Variants in PLXNA4 observed in about 807,000 individuals in gnomAD.
PLXNA4 encodes plexin-A4.
Under a neutral mutation model 191.8 loss-of-function variants are expected in PLXNA4, and 44 were observed. The ratio of observed to expected loss-of-function variants is 0.23; its 90% confidence interval spans 0.18 to 0.29. The LOEUF is 0.29. PLXNA4 is among the 10% of genes least tolerant of loss of function. The probability of loss-of-function intolerance (pLI) is 1.00; values close to 1 mark genes in which losing one functional copy is unlikely to be tolerated. For synonymous variants in PLXNA4, 1,082 were observed against 1,009.5 expected (o/e 1.07, Z -1.36); for missense variants, 1,800 against 2,488.8 (o/e 0.72, Z 5.89).
intron 4 of PLXNA4, among the ~76,000 whole-genome samples, chr7:132,261,076 A>G (rs1799624707): frequency 6.6e-6 from 1 of 152,234 alleles, no homozygotes; most frequent in East Asian, 1.9e-4. Context: ...AACAGGCAGT[A>G]TACTACTGTT....
intron 3 of PLXNA4, among the ~76,000 whole-genome samples, chr7:132,445,241 G>C (rs887544865): frequency 6.6e-6 from 1 of 150,892 alleles, no homozygotes; most frequent in African/African-American, 2.4e-5. Context: ...CCATGTGTAG[G>C]TTAATATTCC....
At chr7:132,189,002 G>A (rs5027071) in intron 14 of PLXNA4, among the ~76,000 whole-genome samples, 4,827 of 43,788 alleles carry the variant, frequency 0.11, 412 homozygotes, top group African/African-American at 0.22. Flanking sequence ...AGGAGAGAGA[G>A]AGAGAGAGAG....
At chr7:132,601,918 G>A (rs984071391) in intron 2 of PLXNA4, among the ~76,000 whole-genome samples, 4 of 152,206 alleles carry the variant, frequency 2.6e-5, no homozygotes, top group African/African-American at 9.6e-5. Flanking sequence ...TCACACATGA[G>A]AAAAGCAATG....
At chr7:132,534,376 C>T (rs1799747638) in intron 1 of PLXNA4, among the ~76,000 whole-genome samples, 1 of 152,132 alleles carries the variant, frequency 6.6e-6, no homozygotes, top group African/African-American at 2.4e-5. Flanking sequence ...GCCCATGAAA[C>T]AGCAGCAACT....
chr7:132,406,503 A>T (rs749352951), intron 3 of PLXNA4, among the ~76,000 whole-genome samples: 1 of 152,162 alleles, frequency 6.6e-6, no homozygotes, highest in Non-Finnish European at 1.5e-5. Context: ...CCTCCTGACC[A>T]CATGAATGAA....
chr7:132,635,919 C>T (rs1401031061), intron 2 of PLXNA4, among the ~76,000 whole-genome samples: 2 of 152,174 alleles, frequency 1.3e-5, no homozygotes, highest in Non-Finnish European at 2.9e-5. Flanking sequence ...ATGTATTTAT[C>T]TGCAGGCAGC....
chr7:132,537,268 A>G (rs1250313122), intron 1 of PLXNA4, among the ~76,000 whole-genome samples: 2 of 152,122 alleles, frequency 1.3e-5, no homozygotes, highest in Non-Finnish European at 2.9e-5. Flanking sequence ...TGTGCACCAG[A>G]CTCCCCTCTA....
At chr7:132,479,289 AT>A (rs1797248668) in intron 3 of PLXNA4, among the ~76,000 whole-genome samples, 1 of 150,534 alleles carries the variant, frequency 6.6e-6, no homozygotes, top group African/African-American at 2.5e-5. Flanking sequence ...AAAAAAAAAA[AT>A]TCCCAAAAGG....
At chr7:132,411,559 C>T (rs977779450) in intron 3 of PLXNA4, among the ~76,000 whole-genome samples, 2 of 152,202 alleles carry the variant, frequency 1.3e-5, no homozygotes, top group South Asian at 4.1e-4. Flanking sequence ...GTCTTTTCAA[C>T]TTATCACAAG....
chr7:132,562,487 TTCC>T (rs1801244580), intron 1 of PLXNA4, among the ~76,000 whole-genome samples: 1 of 86,782 alleles, frequency 1.2e-5, no homozygotes, highest in Non-Finnish European at 2.3e-5. Context: ...CCTCCTTCTC[TTCC>T]TCTTTCTCCT....
intron 2 of PLXNA4, among the ~76,000 whole-genome samples, chr7:132,620,092 G>A (rs1398446197): frequency 3.9e-5 from 6 of 152,268 alleles, no homozygotes; most frequent in East Asian, 1.9e-4. Flanking sequence ...GTGAGCCACC[G>A]CGCCTGGCCC....
Position 132,507,772 on chromosome 7 carries a change from G to T in PLXNA4, c.922C>A (p.Arg308Ser), listed in dbSNP as rs564051494. 1 of 1,613,950 alleles carries T rather than the reference G, an allele frequency of 6.2e-7. No homozygotes were observed. The highest frequency in any genetic ancestry group is 1.3e-5 in the African/African-American group (1 of 74,906). The part of the protein sequence containing the change: ...IGCERSGVEY[R>S]LLQAAYLSKA... ...GACAGGTAGGCAGCCTGCAGCAGGC[G>T]GTACTCCACCCCACTGCGCTCACAG... The change falls in exon 2 of 32, where the codon CGC becomes AGC. Residue 308 changes from arginine (R) to serine (S), a missense_variant. Around this residue, in one of 6 missense-constraint regions of PLXNA4, gnomAD observed 1,397 missense variants for 1,880.4 expected, o/e 0.74. Transcript: ENST00000321063.
chr7:132,500,754 G>A (rs762342160), intron 2 of PLXNA4, among the ~76,000 whole-genome samples: 1 of 152,176 alleles, frequency 6.6e-6, no homozygotes, highest in Non-Finnish European at 1.5e-5. Flanking sequence ...TGTGTCTATC[G>A]TTATTAACAT....
At chr7:132,185,895 C>T (rs905578112) in intron 15 of PLXNA4, among the ~76,000 whole-genome samples, 8 of 152,156 alleles carry the variant, frequency 5.3e-5, no homozygotes, top group Non-Finnish European at 1.2e-4. Context: ...GGCTATAAAC[C>T]CCCTGCTGTC....
At chr7:132,561,561 C>CCTA (rs1445863033) in intron 1 of PLXNA4, among the ~76,000 whole-genome samples, 1 of 105,608 alleles carries the variant, frequency 9.5e-6, no homozygotes, top group African/African-American at 4.1e-5. Context: ...TCCTCCTTCT[C>CCTA]CTCCTCCTTT....
chr7:132,329,211 C>A (rs574369040), intron 3 of PLXNA4, among the ~76,000 whole-genome samples: 1 of 152,266 alleles, frequency 6.6e-6, no homozygotes, highest in East Asian at 1.9e-4. Context: ...GTCCAAATGC[C>A]CCCACTCCAT....
chr7:132,138,277 T>C lies in PLXNA4; in HGVS notation c.5438+2322A>G, dbSNP rs1795170985. On this transcript the variant is annotated intron_variant, in intron 30 of 31. Coordinates refer to ENST00000321063, the MANE Select transcript of PLXNA4 (RefSeq NM_020911.2). ...AAAGTCCTGGGAGGACTGTCTCCATTTGACCAACAGCAGGGGAGCAAATTC... is the reference window on the plus strand; with the variant it reads ...AAAGTCCTGGGAGGACTGTCTCCATCTGACCAACAGCAGGGGAGCAAATTC... Among the ~76,000 whole-genome samples, 3 of 152,128 alleles carry C rather than the reference T, an allele frequency of 2.0e-5. No individual in the cohort carries two copies. In the South Asian group the frequency reaches 6.2e-4, roughly 32 times the overall value.
rs1794730232 is a variant in PLXNA4, at chr7:132,125,002, T to TAAATAAA, written c.*5476_*5477insTTTATTT. The TAAATAAA allele has an allele frequency of 1.3e-5, 2 of 151,630 alleles. No individual in the cohort carries two copies. The highest frequency in any genetic ancestry group is 2.9e-5 in the Non-Finnish European group (2 of 67,942). The allele number at this position is 151,630 out of a possible 1,614,324, so 9.4% of individuals were successfully genotyped here. ...TTTAAAACTTGGATACTCCCTCTAA[T>TAAATAAA]AAAATAATTTTATGGGGGAGCAAAA... On this transcript the variant is annotated 3_prime_UTR_variant, in exon 32 of 32. Coordinates refer to ENST00000321063, the MANE Select transcript of PLXNA4 (RefSeq NM_020911.2).
At chr7:132,345,782 T>TA (rs1316432843) in intron 3 of PLXNA4, among the ~76,000 whole-genome samples, 1 of 152,178 alleles carries the variant, frequency 6.6e-6, no homozygotes, top group East Asian at 1.9e-4. Flanking sequence ...AGCTGGACCA[T>TA]AAATTGTACA....
Sources: allele counts gnomAD v4.1 joint callset (sites outside exome capture counted in the v4.1 genomes callset), GRCh38; gene constraint gnomAD v4.1.1; regional missense constraint gnomAD v4.1.1; transcripts MANE v1.5; gene names NCBI Gene and HGNC (gene_info 2026-07-23, HGNC 2026-07-21).